SASH1: variants seen among roughly 807,000 people sequenced by gnomAD.
The protein encoded by SASH1 is SAM and SH3 domain-containing protein 1.
Under a neutral mutation model 125.2 loss-of-function variants are expected in SASH1, and 44 were observed. That is an observed-to-expected ratio of 0.35 (90% CI 0.28 to 0.45). The LOEUF (loss-of-function observed/expected upper bound fraction) is 0.45, where lower values mean the gene tolerates loss of function less well. Ranked by LOEUF, SASH1 falls within the 20% of genes least tolerant of loss-of-function variation. The probability of loss-of-function intolerance (pLI) is 1.00; values close to 1 mark genes in which losing one functional copy is unlikely to be tolerated. For missense variants in SASH1, 1,426 were observed against 1,614.5 expected, an observed-to-expected ratio of 0.88 and a Z score of 2.00; for synonymous variants, 639 against 649.1, an observed-to-expected ratio of 0.98 and a Z score of 0.24.
At chr6:148,548,186 T>G in intron 19 of SASH1, 109 bp from the exon 20 acceptor site, 1 of 998,492 alleles carries the variant, frequency 1.0e-6, no homozygotes. Flanking sequence ...CGCTTTCTGA[T>G]AATAGTCTAG....
intron 1 of SASH1, among the ~76,000 whole-genome samples, chr6:148,305,623 C>CAAAAA (rs59521298): frequency 1.2e-3 from 124 of 104,016 alleles, no homozygotes; most frequent in East Asian, 1.8e-3. Flanking sequence ...GACTCTGACT[C>CAAAAA]AAAAAAAAAA....
intron 4 of SASH1, among the ~76,000 whole-genome samples, chr6:148,450,854 A>G (rs1777068953): frequency 6.6e-6 from 1 of 152,160 alleles, no homozygotes; most frequent in Non-Finnish European, 1.5e-5. Context: ...CTCTGGGTTC[A>G]AATCCAGGTT....
At chr6:148,400,452 A>C (rs1221575826) in intron 2 of SASH1, among the ~76,000 whole-genome samples, 3 of 152,240 alleles carry the variant, frequency 2.0e-5, no homozygotes, top group Non-Finnish European at 4.4e-5. Flanking sequence ...CTAACAGTAG[A>C]GAGAACTGAG....
chr6:148,383,987 A>C (rs1279148491), intron 1 of SASH1, among the ~76,000 whole-genome samples: 2 of 152,124 alleles, frequency 1.3e-5, no homozygotes, highest in Non-Finnish European at 2.9e-5. Context: ...AAGATTATAC[A>C]AGTTTGTTGT....
chr6:148,508,956 C>A lies in SASH1; in HGVS notation c.730-5368C>A, dbSNP rs150389639. The A allele has an allele frequency of 3.4e-4, 229 of 676,252 alleles. 1 individual carries two copies. In the African/African-American group the frequency reaches 4.0e-3, roughly 12 times the overall value. The allele number at this position is 676,252 out of a possible 1,614,324, so 41.9% of individuals were successfully genotyped here. On this transcript the variant is annotated intron_variant, in intron 8 of 19. Coordinates refer to ENST00000367467, the MANE Select transcript of SASH1 (RefSeq NM_015278.5). Reference sequence around the variant, plus strand: ...CAAGTAAAAGTTTTTGCTGCTCCTGCCTATGATGTTTCTCTCTCTTTTCTT... The same window carrying A: ...CAAGTAAAAGTTTTTGCTGCTCCTGACTATGATGTTTCTCTCTCTTTTCTT...
the SASH1 span, among the ~76,000 whole-genome samples, chr6:148,201,902 C>A: frequency 6.6e-6 from 1 of 152,114 alleles, no homozygotes; most frequent in Non-Finnish European, 1.5e-5. Context: ...GGCCCTGAGG[C>A]TGGACACAGC....
At chr6:148,388,104 G>A (rs185723216) in intron 1 of SASH1, among the ~76,000 whole-genome samples, 88 of 151,886 alleles carry the variant, frequency 5.8e-4, no homozygotes, top group Middle Eastern at 3.4e-3. Context: ...TAGTAGAGAC[G>A]GGGTTTCTCC....
chr6:148,253,639 A>G, the SASH1 span, among the ~76,000 whole-genome samples: 2 of 152,118 alleles, frequency 1.3e-5, no homozygotes, highest in African/African-American at 4.8e-5. Flanking sequence ...TTGGGAGGCC[A>G]AGGAGGGTGG....
intron 1 of SASH1, among the ~76,000 whole-genome samples, chr6:148,287,455 C>A (rs1779510005): frequency 6.6e-6 from 1 of 152,140 alleles, no homozygotes; most frequent in South Asian, 2.1e-4. Context: ...GATGGTCACA[C>A]CCCCTGCCAC....
Position 148,514,403 on chromosome 6 carries a change from G to T in SASH1, c.809G>T (p.Arg270Ile). 1.3e-6 allele frequency: 2 copies of T among 1,512,514 alleles called. No homozygotes were observed. The highest frequency in any genetic ancestry group is 1.8e-6 in the Non-Finnish European group (2 of 1,124,500). The allele number at this position is 1,512,514 out of a possible 1,614,324, so 93.7% of individuals were successfully genotyped here. ...CACAAGCTGGTAAACTCCACTCGCA[G>T]AGTCAGAAAGAAACTAATTAGGGTG... is the stretch of plus-strand genomic sequence containing the variant. The part of the protein sequence containing the change: ...RLHKLVNSTR[R>I]VRKKLIRVEE... The change falls in exon 9 of 20, where the codon AGA becomes ATA. Residue 270 changes from arginine to isoleucine, a missense_variant. Arg to Ile is a moderately conservative substitution (Grantham distance 97, BLOSUM62 -3). Coordinates refer to ENST00000367467, the MANE Select transcript of SASH1 (RefSeq NM_015278.5).
intron 8 of SASH1, among the ~76,000 whole-genome samples, chr6:148,501,092 G>A (rs1368336714): frequency 1.3e-5 from 2 of 151,830 alleles, no homozygotes; most frequent in Non-Finnish European, 2.9e-5. Context: ...CTCCAGCTTC[G>A]ACAGATGACC....
At chr6:148,210,410 A>G in the SASH1 span, among the ~76,000 whole-genome samples, 4 of 152,178 alleles carry the variant, frequency 2.6e-5, no homozygotes, top group African/African-American at 7.2e-5. Context: ...GCACATGCCT[A>G]TAATCCCAGC....
intron 4 of SASH1, among the ~76,000 whole-genome samples, chr6:148,447,995 C>A (rs1443947008): frequency 6.6e-6 from 1 of 152,114 alleles, no homozygotes; most frequent in East Asian, 1.9e-4. Context: ...AATCTTAAAA[C>A]CTCAGCTCTG....
At chr6:148,372,702 TGTTC>T (rs1166024722) in intron 1 of SASH1, among the ~76,000 whole-genome samples, 2 of 94,550 alleles carry the variant, frequency 2.1e-5, no homozygotes, top group East Asian at 2.7e-4. Flanking sequence ...TTATTCCATT[TGTTC>T]GTTCATTCAT....
intron 4 of SASH1, among the ~76,000 whole-genome samples, chr6:148,464,287 G>A (rs12664363): frequency 6.6e-6 from 1 of 152,060 alleles, no homozygotes; most frequent in Admixed American, 6.5e-5. Context: ...ATTTGCTAAG[G>A]TTCAGTTCTG....
intron 7 of SASH1, among the ~76,000 whole-genome samples, chr6:148,485,939 T>C (rs1362591503): frequency 6.7e-6 from 1 of 149,280 alleles, no homozygotes; most frequent in Non-Finnish European, 1.5e-5. Context: ...TGTAATAGGG[T>C]TTGAATGCAG....
At chr6:148,232,349 A>T in the SASH1 span, among the ~76,000 whole-genome samples, 1 of 152,320 alleles carries the variant, frequency 6.6e-6, no homozygotes, top group South Asian at 2.1e-4. Context: ...TCCATTCAAC[A>T]GGCAACTGTC....
the SASH1 span, among the ~76,000 whole-genome samples, chr6:148,242,967 G>A: frequency 6.6e-6 from 1 of 152,036 alleles, no homozygotes; most frequent in African/African-American, 2.4e-5. Context: ...AATCCCATAG[G>A]TTGGCTACCT....
At chr6:148,313,406 C>T (rs545362228) in intron 1 of SASH1, among the ~76,000 whole-genome samples, 3 of 152,244 alleles carry the variant, frequency 2.0e-5, no homozygotes, top group East Asian at 1.9e-4. Context: ...AATTGGGGTA[C>T]ATCACATATT....
Sources: gnomAD v4.1 joint callset for allele counts (sites outside exome capture counted in the v4.1 genomes callset) on GRCh38, gnomAD v4.1.1 for gene constraint, MANE v1.5 for transcripts, NCBI Gene and HGNC (gene_info 2026-07-23, HGNC 2026-07-21) for gene names.